Variants in RNF19B observed in about 807,000 individuals in gnomAD.
RNF19B encodes the protein ring finger protein 19B.
Under a neutral mutation model 65.5 loss-of-function variants are expected in RNF19B, and 23 were observed. That is an observed-to-expected ratio of 0.35 (90% CI 0.25 to 0.50). The LOEUF is 0.50. Among genes scored for constraint, RNF19B ranks in the 20% least tolerant of loss-of-function variants. RNF19B has a pLI of 0.98. For missense variants in RNF19B, 794 were observed against 980.0 expected (o/e 0.81, Z 2.53); for synonymous variants, 372 against 379.6 (o/e 0.98, Z 0.23).
Position 32,948,308 on chromosome 1 carries a change from T to A in RNF19B, c.897A>T (p.Gly299=). 3.1e-6 allele frequency: 5 copies of A among 1,614,160 alleles called. No homozygotes were observed. Among genetic ancestry groups the A allele is most frequent in the Non-Finnish European group, 4.2e-6 (5 of 1,179,994 alleles). Residue 299 remains glycine (G), a synonymous_variant, in exon 3 of 9, where the codon GGA becomes GGT. Transcript: ENST00000235150. ...CTGCACAGGTCATGTGATTACAGCT[T>A]CCATCATTCATCTTGATAATGTATG... ...CSAYIIKMND[G]SCNHMTCAVC... is the part of the protein sequence containing the mutation.
chr1:32,935,994 C>T (rs1447324135), downstream of RNF19B, among the ~76,000 whole-genome samples: 1 of 152,156 alleles, frequency 6.6e-6, no homozygotes, highest in Non-Finnish European at 1.5e-5. Context: ...AATGATCCAC[C>T]TGCCTCGGCC....
At chr1:32,942,547 T>A in intron 6 of RNF19B, 88 bp from the exon 7 acceptor site, 2 of 1,079,396 alleles carry the variant, frequency 1.9e-6, no homozygotes, top group South Asian at 1.4e-5. Context: ...TTCAGAGAAC[T>A]AATGTATTTA....
Position 32,949,690 on chromosome 1 carries a change from G to A in RNF19B, c.720C>T (p.His240=). ...GATTTGGATGCCATATCTGCTTGCA[G>A]TGGTAGCAGAACTCAGTCTGGCAAC... The part of the protein sequence containing the change: ...REGCQTEFCY[H]CKQIWHPNQT... Residue 240 remains histidine (H), a synonymous_variant, in exon 2 of 9, where the codon CAC becomes CAT. Transcript: ENST00000235150. 2 of 1,613,864 alleles carry A rather than the reference G, an allele frequency of 1.2e-6. No individual in the cohort carries two copies. Among genetic ancestry groups the A allele is most frequent in the African/African-American group, 1.3e-5 (1 of 74,968 alleles).
At chr1:32,932,912 A>ATG (rs35513457), downstream of RNF19B, among the ~76,000 whole-genome samples, 27,211 of 152,000 alleles carry the variant, frequency 0.18, 2,927 homozygotes, top group East Asian at 0.25. Context: ...TTTATTCCTC[A>ATG]TGTCTGGTAT....
At chr1:32,952,212 T>G (rs570442497) in intron 1 of RNF19B, among the ~76,000 whole-genome samples, 136 of 152,008 alleles carry the variant, frequency 8.9e-4, no homozygotes, top group Non-Finnish European at 1.4e-3. Context: ...ATCCAATATA[T>G]TTATATAACT....
chr1:32,964,598 G>A lies in RNF19B; in HGVS notation c.88C>T (p.Arg30Cys). Residue 30 changes from arginine to cysteine, a missense_variant, in exon 1 of 9, where the codon CGC (arginine) becomes TGC (cysteine). Physicochemically the swap from Arg to Cys is radical, Grantham distance 180 (BLOSUM62 -3). Around this residue, in one of 3 missense-constraint regions of RNF19B, gnomAD observed 374 missense variants for 423.8 expected, o/e 0.88. Coordinates refer to ENST00000235150, the MANE Select transcript of RNF19B (RefSeq NM_001300826.2). This position sits in a 1 kb window ranked among gnomAD's most constrained non-coding sequence, Gnocchi z 6.5. ...ACGCTGTGCAAGGTGAGGCGCCGGC[G>A]CCGGCCGCCGCTGCGGCACTTAGGG... The part of the protein sequence containing the change: ...PDPKCRSGGR[R>C]RRLTLHSVFS... 6.9e-7 allele frequency: 1 copy of A among 1,451,774 alleles called. No individual in the cohort carries two copies. The highest frequency in any genetic ancestry group is 9.0e-7 in the Non-Finnish European group (1 of 1,105,042). 89.9% of individuals were successfully genotyped at this position (1,451,774 alleles called of 1,614,324 possible).
downstream of RNF19B, among the ~76,000 whole-genome samples, chr1:32,936,040 T>C (rs1413785190): frequency 1.3e-5 from 2 of 152,190 alleles, no homozygotes; most frequent in African/African-American, 4.8e-5. Context: ...TGAGCCACCA[T>C]GCCTGACCAC....
chr1:32,929,164 T>C, the RNF19B span, among the ~76,000 whole-genome samples: 2 of 152,136 alleles, frequency 1.3e-5, no homozygotes, highest in African/African-American at 4.8e-5. Context: ...CTTCTGATGG[T>C]TTGCTGGCAA....
At chr1:32,962,160 G>C (rs1642785282) in intron 1 of RNF19B, among the ~76,000 whole-genome samples, 1 of 152,056 alleles carries the variant, frequency 6.6e-6, no homozygotes, top group Non-Finnish European at 1.5e-5. Flanking sequence ...GCAGAGACAG[G>C]ATACCACTAT....
In RNF19B at chr1:32,941,747, GA is replaced by G. The variant is rs561192883; in HGVS notation, c.1610+504del. On this transcript the variant is annotated intron_variant, in intron 7 of 8. Transcript: ENST00000235150. ...GCTATGGTGCAATGGAAAGAACAATGAACTTTGCATAACTGACGTAACCTTT... is the reference window on the plus strand; with the variant it reads ...GCTATGGTGCAATGGAAAGAACAATGACTTTGCATAACTGACGTAACCTTT... 1.4e-4 allele frequency among the ~76,000 whole-genome samples: 21 copies of G among 151,902 alleles called. No individual in the cohort carries two copies. In the South Asian group the frequency reaches 4.4e-3, roughly 32 times the overall value.
At chr1:32,953,614 C>T (rs180671225) in intron 1 of RNF19B, among the ~76,000 whole-genome samples, 2 of 152,134 alleles carry the variant, frequency 1.3e-5, no homozygotes, top group Non-Finnish European at 2.9e-5. Flanking sequence ...ACAGGTCAGT[C>T]TATGAATGCA....
Position 32,938,517 on chromosome 1 carries a change from T to A in RNF19B, c.1622A>T (p.Gln541Leu). 6.2e-7 allele frequency: 1 copy of A among 1,614,178 alleles called. No homozygotes were observed. The highest frequency in any genetic ancestry group is 8.5e-7 in the Non-Finnish European group (1 of 1,180,018). Residue 541 changes from glutamine to leucine, a missense_variant, in exon 8 of 9, where the codon CAA (glutamine) becomes CTA (leucine). Gln to Leu is a moderately radical substitution (Grantham distance 113). Transcript: ENST00000235150. ...GAAAATTTCCTTTTGGACATCGGCTTGAACTTCTAACCTGTGTAAAGAGGG... is the reference window on the plus strand; with the variant it reads ...GAAAATTTCCTTTTGGACATCGGCTAGAACTTCTAACCTGTGTAAAGAGGG... The part of the protein sequence containing the change: ...GKGKYSRLEV[Q>L]ADVQKEIFPK...
chr1:32,959,833 C>A (rs1256235635), intron 1 of RNF19B, among the ~76,000 whole-genome samples: 1 of 147,680 alleles, frequency 6.8e-6, no homozygotes, highest in African/African-American at 2.5e-5. Flanking sequence ...GTCAGGAGAT[C>A]GAGACCATCC....
downstream of RNF19B, among the ~76,000 whole-genome samples, chr1:32,933,547 G>A (rs138075910): frequency 1.2e-3 from 176 of 152,242 alleles, no homozygotes; most frequent in African/African-American, 4.1e-3. Context: ...GAGCCACCAC[G>A]CCCGGCCAAG....
chr1:32,929,855 C>T, the RNF19B span, among the ~76,000 whole-genome samples: 1 of 152,138 alleles, frequency 6.6e-6, no homozygotes, highest in South Asian at 2.1e-4. Context: ...TACCCCTTGG[C>T]CACTGGCACT....
At chr1:32,951,173 T>C (rs373986731) in intron 1 of RNF19B, among the ~76,000 whole-genome samples, 5 of 152,342 alleles carry the variant, frequency 3.3e-5, no homozygotes, top group African/African-American at 1.2e-4. Flanking sequence ...AATTGTTTTA[T>C]TGTCATTAAC....
rs1239517461 is a variant in RNF19B at position 32,956,632 on chromosome 1, T to G, written c.636-6858A>C. ...ACTACAGACCGCCCACCCCAGCCCC[T>G]GCTGCTTAAGTTCATACAACTTTTA... On this transcript the variant is annotated intron_variant, in intron 1 of 8. Coordinates refer to ENST00000235150, the MANE Select transcript of RNF19B (RefSeq NM_001300826.2). 5.9e-5 allele frequency among the ~76,000 whole-genome samples: 9 copies of G among 152,284 alleles called. No homozygotes were observed. The East Asian group carries it at 1.7e-3, about 29-fold the overall frequency.
chr1:32,943,960 T>C (rs1642302189), intron 6 of RNF19B, 59 bp downstream of exon 6: 1 of 1,532,120 alleles, frequency 6.5e-7, no homozygotes. Flanking sequence ...CGCTGAATTT[T>C]ACTGATTTTT....
intron 7 of RNF19B, among the ~76,000 whole-genome samples, chr1:32,940,047 T>C (rs761698182): frequency 7.9e-5 from 12 of 152,220 alleles, no homozygotes; most frequent in Admixed American, 3.3e-4. Context: ...CCTGAGCCTT[T>C]GCTTTGCTGC....
Sources: allele counts gnomAD v4.1 joint callset (sites outside exome capture counted in the v4.1 genomes callset), GRCh38; gene constraint gnomAD v4.1.1; regional missense constraint gnomAD v4.1.1; non-coding constraint Gnocchi (gnomAD v3.1); transcripts MANE v1.5; gene names NCBI Gene and HGNC (gene_info 2026-07-23, HGNC 2026-07-21).